TP73: variants seen among roughly 807,000 people sequenced by gnomAD.
TP73 encodes the protein p53-like transcription factor.
A neutral mutation model predicts 62.5 loss-of-function variants in TP73; 25 were observed. The observed-to-expected ratio is 0.40, with a 90% CI of 0.29 to 0.56. TP73 has a LOEUF of 0.56. Among genes scored for constraint, TP73 ranks in the 20% least tolerant of loss-of-function variants. TP73 has a pLI of 0.46. For synonymous variants in TP73, 423 were observed against 377.5 expected, an observed-to-expected ratio of 1.12 and a Z score of -1.40; for missense variants, 754 against 913.3, an observed-to-expected ratio of 0.83 and a Z score of 2.25.
chr1:3,735,342 G>C lies in TP73; in HGVS notation c.*2263G>C, dbSNP rs1315379477. On this transcript the variant is annotated 3_prime_UTR_variant, in exon 14 of 14. Transcript: ENST00000378295. ...ACGTTACCTGTCCACCCTGAGTCCAGTGAGGCTGTCCCAAGAGCCCCTGTA... is the reference window on the plus strand; with the variant it reads ...ACGTTACCTGTCCACCCTGAGTCCACTGAGGCTGTCCCAAGAGCCCCTGTA... 6.6e-6 allele frequency: 1 copy of C among 151,358 alleles called. No homozygotes were observed. Among genetic ancestry groups the C allele is most frequent in the Non-Finnish European group, 1.5e-5 (1 of 67,884 alleles). The allele number at this position is 151,358 out of a possible 1,614,324, so 9.4% of individuals were successfully genotyped here.
intron 1 of TP73, among the ~76,000 whole-genome samples, chr1:3,682,050 G>A (rs566110103): frequency 2.2e-4 from 34 of 152,204 alleles, no homozygotes; most frequent in South Asian, 4.1e-4. Flanking sequence ...CCAAGGCGAC[G>A]GCTCTGAGAA....
At chr1:3,729,962 C>G in intron 10 of TP73, 38 bp from the exon 11 acceptor site, 1 of 1,551,468 alleles carries the variant, frequency 6.4e-7, no homozygotes, top group Non-Finnish European at 8.8e-7. Flanking sequence ...ACGAGGCTGC[C>G]TTGCTTCCCA....
intron 1 of TP73, among the ~76,000 whole-genome samples, chr1:3,679,825 GTC>G (rs768675245): frequency 5.4e-5 from 4 of 73,888 alleles, no homozygotes; most frequent in Non-Finnish European, 8.4e-5. Context: ...CTCTGTCTCT[GTC>G]TCTCTTTGTC....
rs61735517 is a variant in TP73, at chr1:3,727,742, C to T, written c.957C>T (p.Ser319=). The T allele has an allele frequency of 1.4e-3, 2,124 of 1,551,546 alleles. 33 individuals carry two copies. In the African/African-American group the frequency reaches 0.026, roughly 19 times the overall value. ...AGCAGCAGGCCCTGAACGAGAGCTC[C>T]GCCAAGAACGGGGCCGCCAGCAAGC... ...YREQQALNES[S]AKNGAASKRA... Residue 319 remains serine (S), a synonymous_variant, in exon 8 of 14, where the codon TCC becomes TCT. Transcript: ENST00000378295.
At chr1:3,723,534 C>T in intron 6 of TP73, 65 bp downstream of exon 6, 1 of 788,446 alleles carries the variant, frequency 1.3e-6, no homozygotes, top group Non-Finnish European at 2.2e-6. Flanking sequence ...GGGAGGGGTC[C>T]CCTGAGGCAG....
At chr1:3,705,086 G>C (rs1339999962) in intron 3 of TP73, among the ~76,000 whole-genome samples, 1 of 152,174 alleles carries the variant, frequency 6.6e-6, no homozygotes, top group Non-Finnish European at 1.5e-5. Context: ...TCCCAGGCTG[G>C]AGGGCAGTGG....
Position 3,730,038 on chromosome 1 carries a change from C to T in TP73, c.1235C>T (p.Ser412Leu), listed in dbSNP as rs1486545585. ...LQPPSYGPVL[S>L]PMNKVHGGMN... ...CCCCCGTCCTACGGGCCGGTCCTCT[C>T]GCCCATGAACAAGGTGCACGGGGGC... The change falls in exon 11 of 14, where the codon TCG becomes TTG. Residue 412 changes from serine (S) to leucine (L), a missense_variant. This residue lies in a region of TP73 where 458 missense variants were observed against 528.7 expected (regional missense o/e 0.87). Transcript: ENST00000378295. The T allele has an allele frequency of 3.7e-6, 6 of 1,609,794 alleles. No individual in the cohort carries two copies. The highest frequency in any genetic ancestry group is 4.2e-6 in the Non-Finnish European group (5 of 1,178,270).
Position 3,736,191 on chromosome 1 carries a change from T to C in TP73, c.*3112T>C, listed in dbSNP as rs1642448881. On this transcript the variant is annotated 3_prime_UTR_variant, in exon 14 of 14. Transcript: ENST00000378295. Reference sequence around the variant, plus strand: ...TGTTTTTGTAACATAATAAAGTGTATGTTCCAATGACCGGTTCTCATGACT... The same window carrying C: ...TGTTTTTGTAACATAATAAAGTGTACGTTCCAATGACCGGTTCTCATGACT... 1 of 152,248 alleles carries C rather than the reference T, an allele frequency of 6.6e-6. No homozygotes were observed. Among genetic ancestry groups the C allele is most frequent in the South Asian group, 2.1e-4 (1 of 4,832 alleles). 9.4% of individuals were successfully genotyped at this position (152,248 alleles called of 1,614,324 possible). A position where few individuals can be genotyped will look rare whatever the true frequency, so the allele number is the denominator to read the frequency against.
intron 10 of TP73, chr1:3,729,792 C>T: frequency 1.2e-6 from 1 of 812,168 alleles, no homozygotes; most frequent in Non-Finnish European, 1.9e-6. Context: ...TGCCTCCCGG[C>T]CCCGCCATGG....
intron 3 of TP73, chr1:3,690,979 G>T: frequency 6.4e-7 from 1 of 1,562,552 alleles, no homozygotes; most frequent in Non-Finnish European, 8.7e-7. Context: ...GATCTCTTCG[G>T]GGACTTTGCG....
At chr1:3,731,623 G>C (rs1642147280) in intron 13 of TP73, 67 bp downstream of exon 13, 1 of 1,423,422 alleles carries the variant, frequency 7.0e-7, no homozygotes, top group Admixed American at 1.7e-5. Context: ...GGAGGGCAAA[G>C]AGCCTTCTCT....
chr1:3,656,627 T>G (rs905609083), intron 1 of TP73, among the ~76,000 whole-genome samples: 1 of 151,934 alleles, frequency 6.6e-6, no homozygotes, highest in Non-Finnish European at 1.5e-5. Context: ...AGTACGGGAG[T>G]GGGGACTCCA....
chr1:3,728,008 C>T, intron 8 of TP73, 121 bp from the exon 9 acceptor site: 1 of 1,229,626 alleles, frequency 8.1e-7, no homozygotes, highest in Non-Finnish European at 1.1e-6. Flanking sequence ...GGTTGCTCAC[C>T]ACCGGACCCA....
At chr1:3,664,544 G>T (rs1217421664) in intron 1 of TP73, among the ~76,000 whole-genome samples, 1 of 152,228 alleles carries the variant, frequency 6.6e-6, no homozygotes, top group Non-Finnish European at 1.5e-5. Context: ...TGACTTCCTG[G>T]CTCCATTTTC....
At chr1:3,730,241 G>A (rs1342502829) in intron 11 of TP73, 93 bp downstream of exon 11, 13 of 1,347,836 alleles carry the variant, frequency 9.6e-6, no homozygotes, top group Non-Finnish European at 1.3e-5. Context: ...TCGGGACCCA[G>A]GGCAGGTGTC....
intron 9 of TP73, among the ~76,000 whole-genome samples, chr1:3,728,980 G>A (rs907911050): frequency 6.9e-6 from 1 of 144,008 alleles, no homozygotes; most frequent in Non-Finnish European, 1.5e-5. Context: ...AGAGCAAGAC[G>A]CTGTCGAAAG....
chr1:3,656,152 G>A (rs981132726), intron 1 of TP73, among the ~76,000 whole-genome samples: 4 of 151,122 alleles, frequency 2.6e-5, no homozygotes, highest in Non-Finnish European at 5.9e-5. Context: ...TCCAGCCTGG[G>A]CGACAGAGCG....
intron 4 of TP73, among the ~76,000 whole-genome samples, chr1:3,715,399 G>A (rs1235198397): frequency 6.6e-6 from 1 of 152,086 alleles, no homozygotes; most frequent in Admixed American, 6.5e-5. Context: ...CCTAGACCCC[G>A]ACCCCAGGCC....
rs754779678 is a variant in TP73 at position 3,732,863 on chromosome 1, C to T, written c.1695C>T (p.Asn565=). ...CGCAGCAGCTGCTCCGCTCTAGCAA[C>T]GCGGCCACCATCTCCATCGGCGGCT... The part of the protein sequence containing the change: ...STAQQLLRSS[N]AATISIGGSG... Residue 565 remains asparagine, a synonymous_variant, in exon 14 of 14, where the codon AAC becomes AAT. Transcript: ENST00000378295. 8.1e-6 allele frequency: 13 copies of T among 1,611,976 alleles called. No individual in the cohort carries two copies. Among genetic ancestry groups the T allele is most frequent in the Admixed American group, 6.7e-5 (4 of 59,954 alleles).
Sources: gnomAD v4.1 joint callset for allele counts (sites outside exome capture counted in the v4.1 genomes callset) on GRCh38, gnomAD v4.1.1 for gene constraint, gnomAD v4.1.1 regional missense constraint, MANE v1.5 for transcripts, NCBI Gene and HGNC (gene_info 2026-07-23, HGNC 2026-07-21) for gene names.